ANKIB1: variants seen among roughly 807,000 people sequenced by gnomAD.
ANKIB1 encodes ankyrin repeat and IBR domain containing 1, also known as ankyrin repeat and IBR domain-containing protein 1.
ANKIB1 carries 43 observed loss-of-function variants against 122.1 expected under a neutral mutation model. That is an observed-to-expected ratio of 0.35 (90% confidence interval 0.28 to 0.45). ANKIB1 has a LOEUF of 0.45. Ranked by LOEUF, ANKIB1 falls within the 20% of genes least tolerant of loss-of-function variation. The pLI is 1.00. For synonymous variants in ANKIB1, 390 were observed against 442.0 expected, an observed-to-expected ratio of 0.88 and a Z score of 1.48; for missense variants, 992 against 1,329.5, an observed-to-expected ratio of 0.75 and a Z score of 3.95.
intron 5 of ANKIB1, among the ~76,000 whole-genome samples, chr7:92,333,223 G>T (rs1002461384): frequency 5.3e-5 from 8 of 151,974 alleles, no homozygotes; most frequent in Admixed American, 4.6e-4. Context: ...ATTTTTCATT[G>T]ACTGCCTATC....
intron 1 of ANKIB1, among the ~76,000 whole-genome samples, chr7:92,248,774 T>A (rs560006636): frequency 6.6e-6 from 1 of 152,322 alleles, no homozygotes; most frequent in South Asian, 2.1e-4. Flanking sequence ...AATTTACTTT[T>A]CAAAGTGACT....
intron 17 of ANKIB1, among the ~76,000 whole-genome samples, chr7:92,395,284 A>G (rs1168714776): frequency 6.6e-6 from 1 of 152,194 alleles, no homozygotes; most frequent in Non-Finnish European, 1.5e-5. Flanking sequence ...CCCATATGCT[A>G]AATAGAAAAC....
intron 9 of ANKIB1, among the ~76,000 whole-genome samples, chr7:92,359,467 A>G (rs529620762): frequency 2.0e-5 from 3 of 152,278 alleles, no homozygotes; most frequent in African/African-American, 7.2e-5. Context: ...AATCCAGTCT[A>G]TCATTCGTGG....
At chr7:92,367,027 A>G (rs1251193585) in intron 10 of ANKIB1, among the ~76,000 whole-genome samples, 1 of 152,134 alleles carries the variant, frequency 6.6e-6, no homozygotes, top group Non-Finnish European at 1.5e-5. Flanking sequence ...GTCCTTCCTC[A>G]TGATAATGAT....
chr7:92,391,747 G>C (rs1298153318), intron 16 of ANKIB1, among the ~76,000 whole-genome samples: 1 of 152,042 alleles, frequency 6.6e-6, no homozygotes, highest in Non-Finnish European at 1.5e-5. Flanking sequence ...GTATTAAGAA[G>C]TTGTGAAGGA....
At chr7:92,317,318 G>A (rs1802815117) in intron 3 of ANKIB1, among the ~76,000 whole-genome samples, 1 of 152,094 alleles carries the variant, frequency 6.6e-6, no homozygotes, top group South Asian at 2.1e-4. Flanking sequence ...GGGCTTGGAG[G>A]GGTTTGGGGA....
At chr7:92,258,885 T>C (rs1801503976) in intron 1 of ANKIB1, among the ~76,000 whole-genome samples, 1 of 152,178 alleles carries the variant, frequency 6.6e-6, no homozygotes. Context: ...TGCCCTTAGA[T>C]GGAAGTAGCA....
At chr7:92,354,768 CAT>C (rs1469652163) in intron 9 of ANKIB1, among the ~76,000 whole-genome samples, 1 of 152,094 alleles carries the variant, frequency 6.6e-6, no homozygotes, top group African/African-American at 2.4e-5. Context: ...TGGAAATTGT[CAT>C]ATGCTTTCTG....
At chr7:92,382,687 C>A (rs962268576) in intron 11 of ANKIB1, among the ~76,000 whole-genome samples, 2 of 152,126 alleles carry the variant, frequency 1.3e-5, no homozygotes, top group African/African-American at 2.4e-5. Flanking sequence ...TTCTTTGAAA[C>A]CAATGAGAAC....
rs78131902 is a variant in ANKIB1 at position 92,280,267 on chromosome 7, G to A, written c.-90-14622G>A. Among the ~76,000 whole-genome samples, 96 of 152,272 alleles carry A rather than the reference G, an allele frequency of 6.3e-4. No homozygotes were observed. In the East Asian group the frequency reaches 0.018, roughly 29 times the overall value. On this transcript the variant is annotated intron_variant, in intron 1 of 19. Transcript: ENST00000265742. ...TGCCCACAAAATACAAAATGATTCT[G>A]TGAAAATTTCCTTTTTCCTTATAAT... is the stretch of plus-strand genomic sequence containing the variant.
intron 9 of ANKIB1, 74 bp from the exon 10 acceptor site, chr7:92,362,111 T>C: frequency 7.1e-7 from 1 of 1,406,162 alleles, no homozygotes; most frequent in South Asian, 1.2e-5. Context: ...ACGCCCGGCC[T>C]CTACACACTT....
chr7:92,309,940 A>ATATACAT, intron 3 of ANKIB1, among the ~76,000 whole-genome samples: 1 of 105,300 alleles, frequency 9.5e-6, no homozygotes, highest in African/African-American at 3.9e-5. Flanking sequence ...AAAAAAAAAA[A>ATATACAT]AAATATATAT....
chr7:92,292,256 A>G (rs1394133374), intron 1 of ANKIB1, among the ~76,000 whole-genome samples: 1 of 152,234 alleles, frequency 6.6e-6, no homozygotes, highest in Non-Finnish European at 1.5e-5. Flanking sequence ...CTCATTGATC[A>G]AAATTTTAAA....
chr7:92,371,955 GTGTGT>G (rs1804269395), intron 11 of ANKIB1, among the ~76,000 whole-genome samples: 1 of 11,170 alleles, frequency 9.0e-5, no homozygotes, highest in African/African-American at 2.9e-4. Context: ...AGAGGGGTGT[GTGTGT>G]GTGTGTGTGT....
At chr7:92,259,845 T>A (rs1263446567) in intron 1 of ANKIB1, among the ~76,000 whole-genome samples, 1 of 152,134 alleles carries the variant, frequency 6.6e-6, no homozygotes, top group Non-Finnish European at 1.5e-5. Context: ...TATTTTTGTC[T>A]TCTCTCTCAC....
chr7:92,377,586 A>G lies in ANKIB1; in HGVS notation c.1617+5979A>G, dbSNP rs551951756. Among the ~76,000 whole-genome samples the G allele has an allele frequency of 5.3e-5, 8 of 152,306 alleles. No individual in the cohort carries two copies. The East Asian group carries it at 1.2e-3, about 22-fold the overall frequency. ...GTTTAAAAAACAAAAACAAAATGCA[A>G]ATCTGCAATGCACAATACAGCAAAG... On this transcript the variant is annotated intron_variant, in intron 11 of 19. Transcript: ENST00000265742.
intron 1 of ANKIB1, among the ~76,000 whole-genome samples, chr7:92,276,192 G>A (rs139253127): frequency 6.6e-6 from 1 of 152,032 alleles, no homozygotes; most frequent in African/African-American, 2.4e-5. Flanking sequence ...TAGGCCCAAG[G>A]CATATTTATT....
intron 9 of ANKIB1, 92 bp downstream of exon 9, chr7:92,352,734 A>G (rs1250809778): frequency 3.2e-6 from 4 of 1,255,822 alleles, no homozygotes; most frequent in Middle Eastern, 4.0e-4. Context: ...TTTAAATTGT[A>G]GTATACTTGA....
At chr7:92,374,711 CAA>C (rs1804344349) in intron 11 of ANKIB1, among the ~76,000 whole-genome samples, 1 of 149,550 alleles carries the variant, frequency 6.7e-6, no homozygotes, top group African/African-American at 2.5e-5. Flanking sequence ...GGATATGACT[CAA>C]AAATTTAGAA....
Sources: gnomAD v4.1 joint callset for allele counts (sites outside exome capture counted in the v4.1 genomes callset) on GRCh38, gnomAD v4.1.1 for gene constraint, MANE v1.5 for transcripts, NCBI Gene and HGNC (gene_info 2026-07-23, HGNC 2026-07-21) for gene names.